Variants in CSMD1 observed in about 807,000 individuals in gnomAD.
CSMD1 encodes the protein CUB and Sushi multiple domains 1.
A neutral mutation model predicts 417.5 loss-of-function variants in CSMD1; 213 were observed. The observed-to-expected ratio is 0.51, with a 90% CI of 0.46 to 0.57. The LOEUF is 0.57. CSMD1 is among the 20% of genes least tolerant of loss of function. The probability of loss-of-function intolerance (pLI) is 0.00; values close to 1 mark genes in which losing one functional copy is unlikely to be tolerated. For synonymous variants in CSMD1, 2,862 were observed against 1,736.8 expected (o/e 1.65, Z -16.11); for missense variants, 6,923 against 4,529.7 (o/e 1.53, Z -15.17).
At chr8:3,851,679 A>T (rs1267431039) in intron 5 of CSMD1, among the ~76,000 whole-genome samples, 1 of 152,230 alleles carries the variant, frequency 6.6e-6, no homozygotes, top group Non-Finnish European at 1.5e-5. Flanking sequence ...GAAAAGGGTG[A>T]ATAGCAGAAG....
chr8:4,764,011 A>T (rs554649841), intron 1 of CSMD1, among the ~76,000 whole-genome samples: 33 of 152,294 alleles, frequency 2.2e-4, no homozygotes, highest in African/African-American at 7.9e-4. Context: ...TTTCATTTAG[A>T]TCTTACAAGA....
intron 5 of CSMD1, among the ~76,000 whole-genome samples, chr8:3,943,806 C>G (rs1416199059): frequency 3.3e-5 from 5 of 152,036 alleles, no homozygotes; most frequent in Admixed American, 2.0e-4. Context: ...ATAATTGGCC[C>G]TTACTCTCCA....
At chr8:3,393,408 A>T (rs1467529605) in intron 17 of CSMD1, among the ~76,000 whole-genome samples, 2 of 152,144 alleles carry the variant, frequency 1.3e-5, no homozygotes, top group Non-Finnish European at 2.9e-5. Context: ...ACTCTCACAC[A>T]ATTATCACTG....
chr8:4,457,398 G>C (rs1272812672), intron 2 of CSMD1, among the ~76,000 whole-genome samples: 1 of 152,128 alleles, frequency 6.6e-6, no homozygotes, highest in African/African-American at 2.4e-5. Context: ...AACAGGAAGG[G>C]AATGTTTACT....
intron 1 of CSMD1, among the ~76,000 whole-genome samples, chr8:4,690,438 T>C (rs574324781): frequency 1.3e-5 from 2 of 152,298 alleles, no homozygotes; most frequent in East Asian, 3.9e-4. Flanking sequence ...AAGAAGAAAG[T>C]TGCAGAATTT....
intron 3 of CSMD1, among the ~76,000 whole-genome samples, chr8:4,264,791 G>T (rs970261946): frequency 6.6e-6 from 1 of 152,088 alleles, no homozygotes; most frequent in African/African-American, 2.4e-5. Context: ...CATAAACTTG[G>T]ACAAGTTAAT....
At chr8:3,979,948 T>C (rs985210996) in intron 5 of CSMD1, among the ~76,000 whole-genome samples, 4 of 152,204 alleles carry the variant, frequency 2.6e-5, no homozygotes, top group Admixed American at 2.6e-4. Flanking sequence ...GAACTATAGC[T>C]TCAGCCAACA....
rs768738523 is a variant in CSMD1 at position 2,974,508 on chromosome 8, C to G, written c.8683G>C (p.Asp2895His). The G allele has an allele frequency of 6.2e-7, 1 of 1,613,494 alleles. No individual in the cohort carries two copies. ...CTGTCTTCCTGGCACACTCTCGTGT[C>G]GTTGCCTATGAGGCTCTCGCTCCCT... Reference protein sequence around the residue: ...CRGSESLIGNDTRVCQEDSHW... With the variant: ...CRGSESLIGNHTRVCQEDSHW... The change falls in exon 56 of 70, where the codon GAC becomes CAC. Residue 2895 changes from aspartate (D) to histidine (H), a missense_variant. Coordinates refer to ENST00000635120, the MANE Select transcript of CSMD1 (RefSeq NM_033225.6).
chr8:4,858,923 G>T lies in CSMD1; in HGVS notation c.85+135409C>A, dbSNP rs968337184. Among the ~76,000 whole-genome samples the T allele has an allele frequency of 9.9e-5, 15 of 150,868 alleles. No homozygotes were observed. The East Asian group carries it at 1.2e-3, about 12-fold the overall frequency. On this transcript the variant is annotated intron_variant, in intron 1 of 69. Transcript: ENST00000635120. ...AGAATTGGAAAAAACTACTTTAAAG[G>T]TCATATGGAACCAAAAAAGAGCCCG...
intron 5 of CSMD1, among the ~76,000 whole-genome samples, chr8:3,835,433 G>A (rs7839103): frequency 6.6e-6 from 1 of 151,688 alleles, no homozygotes; most frequent in African/African-American, 2.4e-5. Context: ...ATGGATGAAA[G>A]TGGAAACCAT....
intron 5 of CSMD1, among the ~76,000 whole-genome samples, chr8:3,940,329 T>C (rs186554707): frequency 2.6e-4 from 39 of 152,182 alleles, no homozygotes; most frequent in Middle Eastern, 6.8e-3. Flanking sequence ...TTTTTCAAAA[T>C]TTGTATTTCA....
intron 2 of CSMD1, among the ~76,000 whole-genome samples, chr8:4,631,138 G>A (rs995088529): frequency 2.0e-5 from 3 of 152,104 alleles, no homozygotes; most frequent in Admixed American, 2.0e-4. Context: ...CGAGGCGGGT[G>A]GATCACGAGG....
chr8:4,175,880 G>C (rs1038237608), intron 3 of CSMD1, among the ~76,000 whole-genome samples: 2 of 152,138 alleles, frequency 1.3e-5, no homozygotes, highest in Admixed American at 1.3e-4. Flanking sequence ...GAGTAATGGG[G>C]TCCAGTTGAT....
At chr8:4,147,451 C>G (rs1419477170) in intron 3 of CSMD1, among the ~76,000 whole-genome samples, 1 of 152,130 alleles carries the variant, frequency 6.6e-6, no homozygotes. Flanking sequence ...GAAAGTCCCA[C>G]GCCTCATTTC....
At chr8:4,187,101 T>C (rs985333967) in intron 3 of CSMD1, among the ~76,000 whole-genome samples, 2 of 152,216 alleles carry the variant, frequency 1.3e-5, no homozygotes, top group Non-Finnish European at 2.9e-5. Flanking sequence ...TCCCTTAAAA[T>C]TCTGAAGAAT....
intron 7 of CSMD1, among the ~76,000 whole-genome samples, chr8:3,671,101 T>A (rs1471562359): frequency 1.2e-4 from 17 of 145,576 alleles, no homozygotes; most frequent in East Asian, 4.0e-4. Context: ...TATATATGTA[T>A]GGGATATATA....
intron 3 of CSMD1, among the ~76,000 whole-genome samples, chr8:4,193,357 C>T (rs901532882): frequency 1.3e-5 from 2 of 152,196 alleles, no homozygotes; most frequent in African/African-American, 2.4e-5. Flanking sequence ...TCAATATATA[C>T]TGCCAGTTTA....
intron 18 of CSMD1, among the ~76,000 whole-genome samples, chr8:3,371,749 C>A (rs370197687): frequency 6.6e-6 from 1 of 152,058 alleles, no homozygotes; most frequent in Non-Finnish European, 1.5e-5. Flanking sequence ...ATACGTAAAC[C>A]TCATGGGAAG....
chr8:4,579,108 TA>T (rs1799286501), intron 2 of CSMD1, among the ~76,000 whole-genome samples: 3 of 151,714 alleles, frequency 2.0e-5, no homozygotes, highest in Non-Finnish European at 2.9e-5. Context: ...GTAAGGACAA[TA>T]AAACATGCAG....
Sources: allele counts gnomAD v4.1 joint callset (sites outside exome capture counted in the v4.1 genomes callset), GRCh38; gene constraint gnomAD v4.1.1; transcripts MANE v1.5; gene names NCBI Gene and HGNC (gene_info 2026-07-23, HGNC 2026-07-21).